GRID2: variants seen among roughly 807,000 people sequenced by gnomAD.
The protein encoded by GRID2 is glutamate ionotropic receptor delta type subunit 2.
GRID2 carries 33 observed loss-of-function variants against 114.8 expected under a neutral mutation model. The ratio of observed to expected loss-of-function variants is 0.29; its 90% CI spans 0.22 to 0.38. The LOEUF (loss-of-function observed/expected upper bound fraction) is 0.38, where lower values mean the gene tolerates loss of function less well. GRID2 is among the 10% of genes least tolerant of loss of function. The pLI, the probability that GRID2 is intolerant of heterozygous loss-of-function variation, is 1.00. For missense variants in GRID2, 1,184 were observed against 1,257.7 expected (o/e 0.94, Z 0.89); for synonymous variants, 505 against 449.9 (o/e 1.12, Z -1.55).
rs1468720070 is a variant in GRID2, at chr4:93,327,381, TCA to T, written c.1246-68225_1246-68224del. Among the ~76,000 whole-genome samples the T allele has an allele frequency of 3.3e-5, 5 of 152,276 alleles. No individual in the cohort carries two copies. In the East Asian group the frequency reaches 9.6e-4, roughly 29 times the overall value. On this transcript the variant is annotated intron_variant, in intron 8 of 15. Coordinates refer to ENST00000282020, the MANE Select transcript of GRID2 (RefSeq NM_001510.4). ...CTCAGTCAACAATACAGTAATGTGT[TCA>T]GTTAGTCATACAAAACCCTAAAAAT...
chr4:92,975,018 A>G (rs537166381), intron 2 of GRID2, among the ~76,000 whole-genome samples: 80 of 151,822 alleles, frequency 5.3e-4, no homozygotes, highest in Non-Finnish European at 5.2e-4. Flanking sequence ...TTAGCCGGGC[A>G]TGGTGGCAGG....
intron 8 of GRID2, among the ~76,000 whole-genome samples, chr4:93,327,022 G>A (rs978841209): frequency 6.6e-6 from 1 of 151,864 alleles, no homozygotes; most frequent in African/African-American, 2.4e-5. Context: ...GTACTTCTTA[G>A]TCTCCTTTGC....
chr4:93,598,809 A>G (rs889722663), intron 13 of GRID2, among the ~76,000 whole-genome samples: 18 of 152,180 alleles, frequency 1.2e-4, no homozygotes, highest in Non-Finnish European at 4.4e-5. Context: ...TTCAGACAAA[A>G]TAATGCAAAT....
At chr4:92,618,833 T>G (rs2149236371) in intron 2 of GRID2, among the ~76,000 whole-genome samples, 1 of 151,876 alleles carries the variant, frequency 6.6e-6, no homozygotes, top group Middle Eastern at 3.4e-3. Flanking sequence ...TCAGGTAATT[T>G]ATTGTCTGTG....
chr4:93,647,757 A>G (rs1226852707), intron 14 of GRID2, among the ~76,000 whole-genome samples: 1 of 152,212 alleles, frequency 6.6e-6, no homozygotes, highest in Non-Finnish European at 1.5e-5. Context: ...ATACTATACC[A>G]TACCTATACT....
chr4:93,481,417 G>T (rs898303901), intron 11 of GRID2, among the ~76,000 whole-genome samples: 2 of 152,042 alleles, frequency 1.3e-5, no homozygotes, highest in Admixed American at 6.6e-5. Context: ...CCTTAATCTT[G>T]TCCTCAGCAG....
chr4:93,417,483 T>C (rs181134060), intron 9 of GRID2, among the ~76,000 whole-genome samples: 1 of 152,106 alleles, frequency 6.6e-6, no homozygotes, highest in East Asian at 1.9e-4. Context: ...TAAAGTAACA[T>C]CCAGAAAACA....
chr4:93,359,996 A>T (rs1761739982), intron 8 of GRID2, among the ~76,000 whole-genome samples: 1 of 142,942 alleles, frequency 7.0e-6, no homozygotes, highest in African/African-American at 2.8e-5. Context: ...TCTGTTCCAT[A>T]TTACCTTTGC....
At chr4:92,961,376 CA>C (rs1752796883) in intron 2 of GRID2, among the ~76,000 whole-genome samples, 1 of 149,130 alleles carries the variant, frequency 6.7e-6, no homozygotes, top group African/African-American at 2.5e-5. Flanking sequence ...CACATCCCCT[CA>C]AATTTTTTTT....
At chr4:93,605,403 G>A (rs941105346) in intron 13 of GRID2, among the ~76,000 whole-genome samples, 29 of 152,130 alleles carry the variant, frequency 1.9e-4, no homozygotes, top group African/African-American at 6.7e-4. Context: ...GAATCTTTTG[G>A]TATCTATGCT....
chr4:92,952,026 G>A, intron 2 of GRID2, among the ~76,000 whole-genome samples: 1 of 151,996 alleles, frequency 6.6e-6, no homozygotes, highest in East Asian at 1.9e-4. Flanking sequence ...CTGTGTACAT[G>A]TCCCTTCACA....
chr4:93,042,554 A>G (rs868008306), intron 2 of GRID2, among the ~76,000 whole-genome samples: 2 of 147,378 alleles, frequency 1.4e-5, no homozygotes, highest in African/African-American at 2.5e-5. Context: ...ATCAGTGTCT[A>G]TAAGACTGTA....
chr4:92,392,545 A>G (rs9714736), intron 1 of GRID2, among the ~76,000 whole-genome samples: 32,415 of 151,852 alleles, frequency 0.21, 4,276 homozygotes, highest in Non-Finnish European at 0.3. Context: ...CTCAAAATAT[A>G]TATATTTATA....
At chr4:92,634,674 G>A (rs534566380) in intron 2 of GRID2, among the ~76,000 whole-genome samples, 6 of 150,602 alleles carry the variant, frequency 4.0e-5, no homozygotes, top group African/African-American at 1.2e-4. Flanking sequence ...GGGCACATAT[G>A]TTAATGCATT....
At chr4:92,322,933 C>G (rs549705140) in intron 1 of GRID2, among the ~76,000 whole-genome samples, 1 of 152,006 alleles carries the variant, frequency 6.6e-6, no homozygotes, top group African/African-American at 2.4e-5. Flanking sequence ...TTTTAAAAAT[C>G]AGAATCTAGT....
chr4:92,719,400 G>A (rs1216989099), intron 2 of GRID2, among the ~76,000 whole-genome samples: 1 of 152,092 alleles, frequency 6.6e-6, no homozygotes, highest in African/African-American at 2.4e-5. Flanking sequence ...ATGGTTCCTT[G>A]TACGGTGATT....
At chr4:92,367,627 G>A (rs1174961170) in intron 1 of GRID2, among the ~76,000 whole-genome samples, 1 of 152,094 alleles carries the variant, frequency 6.6e-6, no homozygotes, top group Non-Finnish European at 1.5e-5. Flanking sequence ...GTTAAAGGGA[G>A]ATGTGTAGCT....
At chr4:92,558,242 G>A (rs185371080) in intron 1 of GRID2, among the ~76,000 whole-genome samples, 2 of 152,180 alleles carry the variant, frequency 1.3e-5, no homozygotes, top group East Asian at 3.9e-4. Context: ...AGAAAACTAT[G>A]CACATGTTCA....
chr4:93,535,671 T>A (rs1455508550), intron 13 of GRID2, among the ~76,000 whole-genome samples: 1 of 152,096 alleles, frequency 6.6e-6, no homozygotes, highest in African/African-American at 2.4e-5. Flanking sequence ...TTTTTTCTTA[T>A]ACCTGTTGGC....
Sources: gnomAD v4.1 joint callset for allele counts (sites outside exome capture counted in the v4.1 genomes callset) on GRCh38, gnomAD v4.1.1 for gene constraint, MANE v1.5 for transcripts, NCBI Gene and HGNC (gene_info 2026-07-23, HGNC 2026-07-21) for gene names.